DDX19B: variants seen among roughly 807,000 people sequenced by gnomAD.
DDX19B encodes DEAD-box helicase 19B.
DDX19B carries 27 observed loss-of-function variants against 58.1 expected under a neutral mutation model. The observed-to-expected ratio is 0.46, with a 90% CI of 0.34 to 0.64. DDX19B has a LOEUF of 0.64. Ranked by LOEUF, DDX19B falls within the 30% of genes least tolerant of loss-of-function variation. The probability of loss-of-function intolerance (pLI) is 0.01; values close to 1 mark genes in which losing one functional copy is unlikely to be tolerated. For synonymous variants in DDX19B, 187 were observed against 214.4 expected, an observed-to-expected ratio of 0.87 and a Z score of 1.12; for missense variants, 399 against 596.5, an observed-to-expected ratio of 0.67 and a Z score of 3.45.
chr16:70,314,688 A>C (rs1366940845), intron 2 of DDX19B: 2 of 225,900 alleles, frequency 8.9e-6, no homozygotes, highest in African/African-American at 2.8e-5. Context: ...AATAAAATAA[A>C]TATCTATCTA....
chr16:70,317,636 G>C (rs569839144), intron 5 of DDX19B, 48 bp downstream of exon 5: 1 of 1,539,654 alleles, frequency 6.5e-7, no homozygotes, highest in Admixed American at 1.7e-5. Context: ...TTCTATTTTT[G>C]AAAACTATTA....
intron 1 of DDX19B, among the ~76,000 whole-genome samples, chr16:70,311,998 C>T (rs771916703): frequency 2.0e-5 from 3 of 152,022 alleles, no homozygotes; most frequent in Non-Finnish European, 4.4e-5. Context: ...TGCACCGCCA[C>T]GCCCAGCTAA....
Position 70,333,762 on chromosome 16 carries a change from T to C in DDX19B, c.*180T>C. 4 of 868,316 alleles carry C rather than the reference T, an allele frequency of 4.6e-6. No homozygotes were observed. Among genetic ancestry groups the C allele is most frequent in the South Asian group, 3.3e-5 (2 of 59,792 alleles). 53.8% of individuals were successfully genotyped at this position (868,316 alleles called of 1,614,324 possible). A position where few individuals can be genotyped will look rare whatever the true frequency, so the allele number is the denominator to read the frequency against. On this transcript the variant is annotated 3_prime_UTR_variant, in exon 12 of 12. Coordinates refer to ENST00000288071, the MANE Select transcript of DDX19B (RefSeq NM_007242.7). ...AATGTATGCAAATGATGGGGGATGG[T>C]AGAAAAAAATTATTTACACAACCTT...
upstream of DDX19B, among the ~76,000 whole-genome samples, chr16:70,292,558 G>A (rs1961087848): frequency 6.6e-6 from 1 of 152,172 alleles, no homozygotes; most frequent in Non-Finnish European, 1.5e-5. Context: ...TCTTGTAGAT[G>A]TCAACTACAT....
upstream of DDX19B, chr16:70,290,065 A>C (rs1961019277): frequency 3.4e-6 from 1 of 291,008 alleles, no homozygotes; most frequent in African/African-American, 2.2e-5. Flanking sequence ...AAAAGTTAAT[A>C]TTTATAGGCC....
In DDX19B at chr16:70,315,863, T is replaced by C. The variant is rs538095598; in HGVS notation, c.161-106T>C. ...AACTATGACGTACCTTGAATTTGAATGTTCAGTACATTATTATTTAAAATA... is the reference window on the plus strand; with the variant it reads ...AACTATGACGTACCTTGAATTTGAACGTTCAGTACATTATTATTTAAAATA... On this transcript the variant is annotated intron_variant, in intron 3 of 11. Coordinates refer to ENST00000288071, the MANE Select transcript of DDX19B (RefSeq NM_007242.7). 184 of 1,381,808 alleles carry C rather than the reference T, an allele frequency of 1.3e-4. 1 individual carries two copies. The South Asian group carries it at 1.6e-3, about 12-fold the overall frequency. 85.6% of individuals were successfully genotyped at this position (1,381,808 alleles called of 1,614,324 possible).
intron 1 of DDX19B, among the ~76,000 whole-genome samples, chr16:70,301,915 C>A (rs1961506491): frequency 6.7e-6 from 1 of 149,394 alleles, no homozygotes. Flanking sequence ...TTGGACTGGC[C>A]CTTTAATTTT....
chr16:70,316,708 A>T (rs1962438192), intron 4 of DDX19B, among the ~76,000 whole-genome samples: 1 of 152,320 alleles, frequency 6.6e-6, no homozygotes, highest in South Asian at 2.1e-4. Flanking sequence ...AAATTTCCAG[A>T]TGATGGATAA....
chr16:70,294,075 T>A (rs1961131163), upstream of DDX19B, among the ~76,000 whole-genome samples: 4 of 112,986 alleles, frequency 3.5e-5, no homozygotes, highest in Admixed American at 8.4e-5. Flanking sequence ...AGCCTGAATT[T>A]TTTTTTTTTT....
intron 2 of DDX19B, among the ~76,000 whole-genome samples, 175 bp downstream of exon 2, chr16:70,312,832 T>C (rs1378464321): frequency 6.6e-6 from 1 of 152,084 alleles, no homozygotes; most frequent in Non-Finnish European, 1.5e-5. Flanking sequence ...AGTGTTTTTA[T>C]TTATTTTTTT....
At chr16:70,301,665 A>C (rs1597463374) in intron 1 of DDX19B, among the ~76,000 whole-genome samples, 2 of 143,598 alleles carry the variant, frequency 1.4e-5, no homozygotes, top group South Asian at 4.5e-4. Flanking sequence ...CTTTTCCAGA[A>C]CTCACTTTCT....
chr16:70,313,000 G>A (rs1232264658), intron 2 of DDX19B, among the ~76,000 whole-genome samples: 4 of 151,372 alleles, frequency 2.6e-5, no homozygotes, highest in East Asian at 3.9e-4. Flanking sequence ...AACCCACTAC[G>A]CCCAACTAAT....
intron 4 of DDX19B, among the ~76,000 whole-genome samples, chr16:70,316,990 A>G (rs751067931): frequency 3.9e-5 from 6 of 151,942 alleles, no homozygotes; most frequent in Non-Finnish European, 8.8e-5. Context: ...GTAGATCACG[A>G]GGTCCAGAGA....
At position 70,330,948 on chromosome 16, in the gene DDX19B, G is replaced by A. The variant is rs542333528; in HGVS notation, c.1024-774G>A. On this transcript the variant is annotated intron_variant, in intron 9 of 11. Transcript: ENST00000288071. ...TGGTCCCAGCTGCTTGGGAGGCTCA[G>A]ATGGGAGGATTGATTGAGCCCAGGA... 1.6e-4 allele frequency among the ~76,000 whole-genome samples: 24 copies of A among 152,186 alleles called. No individual in the cohort carries two copies. In the East Asian group the frequency reaches 2.5e-3, roughly 16 times the overall value.
At chr16:70,299,823 T>G (rs1223149449) in intron 1 of DDX19B, among the ~76,000 whole-genome samples, 2 of 152,172 alleles carry the variant, frequency 1.3e-5, no homozygotes, top group Non-Finnish European at 2.9e-5. Flanking sequence ...ATTCAGAGCT[T>G]CTTTGGCTCA....
chr16:70,328,426 G>A (rs1179182956), intron 7 of DDX19B, among the ~76,000 whole-genome samples: 2 of 144,802 alleles, frequency 1.4e-5, no homozygotes, highest in African/African-American at 2.6e-5. Context: ...GCAGTGGCGC[G>A]ATCTCGGCTC....
intron 1 of DDX19B, 28 bp downstream of exon 1, chr16:70,299,382 CAG>C (rs753174293): frequency 6.3e-7 from 1 of 1,589,976 alleles, no homozygotes; most frequent in Non-Finnish European, 8.6e-7. Flanking sequence ...CTAAAAGGGT[CAG>C]GGGACTAGTT....
chr16:70,294,931 A>C (rs1356690746), upstream of DDX19B: 14 of 1,515,512 alleles, frequency 9.2e-6, no homozygotes, highest in Non-Finnish European at 1.2e-5. Context: ...AGTATCTGCG[A>C]GGGTAGAAGC....
chr16:70,297,734 T>C (rs1961280779), upstream of DDX19B, among the ~76,000 whole-genome samples: 1 of 152,164 alleles, frequency 6.6e-6, no homozygotes. Flanking sequence ...TATTTATTTG[T>C]TTATGAGGCA....
Sources: allele counts gnomAD v4.1 joint callset (sites outside exome capture counted in the v4.1 genomes callset), GRCh38; gene constraint gnomAD v4.1.1; transcripts MANE v1.5; gene names NCBI Gene and HGNC (gene_info 2026-07-23, HGNC 2026-07-21).